Variants in LPIN1 observed in about 807,000 individuals in gnomAD.
LPIN1 encodes the protein lipin 1.
LPIN1 carries 71 observed loss-of-function variants against 107.5 expected under a neutral mutation model. The ratio of observed to expected loss-of-function variants is 0.66; its 90% CI spans 0.55 to 0.80. LPIN1 has a LOEUF of 0.80. LPIN1 is among the 30% of genes least tolerant of loss of function. The pLI is 0.00. For synonymous variants in LPIN1, 445 were observed against 452.6 expected, an observed-to-expected ratio of 0.98 and a Z score of 0.21; for missense variants, 1,043 against 1,160.6, an observed-to-expected ratio of 0.90 and a Z score of 1.47.
chr2:11,711,372 T>C (rs1453780224), intron 1 of LPIN1, among the ~76,000 whole-genome samples: 1 of 152,198 alleles, frequency 6.6e-6, no homozygotes, highest in Non-Finnish European at 1.5e-5. Context: ...AAGCAACGTA[T>C]AGATGAAGAA....
intron 1 of LPIN1, chr2:11,713,748 T>G: frequency 6.7e-7 from 1 of 1,481,502 alleles, no homozygotes. Flanking sequence ...AATGTTTTTG[T>G]TTTTCAGATT....
intron 13 of LPIN1, among the ~76,000 whole-genome samples, chr2:11,793,293 T>A (rs771702458): frequency 1.3e-5 from 2 of 152,212 alleles, no homozygotes; most frequent in Non-Finnish European, 2.9e-5. Flanking sequence ...TCCATGTCTC[T>A]CCAGCTCTGC....
chr2:11,801,994 G>A (rs1677831943), intron 14 of LPIN1, among the ~76,000 whole-genome samples: 1 of 152,142 alleles, frequency 6.6e-6, no homozygotes, highest in Admixed American at 6.5e-5. Flanking sequence ...TTGCCTAGAG[G>A]AAGGTGCTGA....
chr2:11,688,225 C>G (rs1662102785), intron 1 of LPIN1, among the ~76,000 whole-genome samples: 1 of 152,166 alleles, frequency 6.6e-6, no homozygotes, highest in South Asian at 2.1e-4. Context: ...GCTTGGAGCC[C>G]TCCCTTCTCA....
chr2:11,712,838 G>A (rs1359844814), intron 1 of LPIN1, among the ~76,000 whole-genome samples: 1 of 152,202 alleles, frequency 6.6e-6, no homozygotes, highest in African/African-American at 2.4e-5. Flanking sequence ...TGCCCTTTGT[G>A]TAGTTCTAAC....
chr2:11,786,945 G>T lies in LPIN1; in HGVS notation c.1550-129G>T. 1 of 726,752 alleles carries T rather than the reference G, an allele frequency of 1.4e-6. No individual in the cohort carries two copies. Among genetic ancestry groups the T allele is most frequent in the Non-Finnish European group, 2.5e-6 (1 of 397,912 alleles). 45.0% of individuals were successfully genotyped at this position (726,752 alleles called of 1,614,324 possible). Reference sequence around the variant, plus strand: ...CGGCCTTTACAAATACATTTTATAGGATTGTCTGCACAGTTGGAATGCACA... The same window carrying T: ...CGGCCTTTACAAATACATTTTATAGTATTGTCTGCACAGTTGGAATGCACA... On this transcript the variant is annotated intron_variant, in intron 10 of 20. Transcript: ENST00000674199. The surrounding 1 kb of genome is among the most constrained non-coding windows in gnomAD (Gnocchi z 4.1).
At chr2:11,799,631 A>G (rs1677337044) in intron 14 of LPIN1, among the ~76,000 whole-genome samples, 2 of 152,036 alleles carry the variant, frequency 1.3e-5, no homozygotes, top group Middle Eastern at 3.4e-3. Flanking sequence ...GGATCAGGTC[A>G]TTTTACAGAT....
rs896591309 is a variant in LPIN1 at position 11,788,516 on chromosome 2, G to T, written c.1713+60G>T. The T allele has an allele frequency of 1.7e-5, 22 of 1,313,428 alleles. No individual in the cohort carries two copies. In the African/African-American group the frequency reaches 2.6e-4, roughly 16 times the overall value. 81.4% of individuals were successfully genotyped at this position (1,313,428 alleles called of 1,614,324 possible). On this transcript the variant is annotated intron_variant, in intron 12 of 20. Transcript: ENST00000674199. ...AGAAATGATGGGTAGCTTAATCTGG[G>T]GTGGTTGGAATTTCACTTTTATTTT...
At chr2:11,783,764 G>C in intron 8 of LPIN1, 65 bp from the exon 9 acceptor site, 1 of 1,332,732 alleles carries the variant, frequency 7.5e-7, no homozygotes, top group Non-Finnish European at 1.1e-6. Context: ...TGTTTCTATA[G>C]ATACAAGGCC....
intron 1 of LPIN1, among the ~76,000 whole-genome samples, chr2:11,760,366 C>T (rs751213806): frequency 1.3e-5 from 2 of 152,028 alleles, no homozygotes; most frequent in Non-Finnish European, 2.9e-5. Flanking sequence ...GCCGAGATCA[C>T]GTCACTGCAC....
In LPIN1 at chr2:11,791,255, G is replaced by A. The variant is rs182447676; in HGVS notation, c.1714-659G>A. On this transcript the variant is annotated intron_variant, in intron 12 of 20. Coordinates refer to ENST00000674199, the MANE Select transcript of LPIN1 (RefSeq NM_001349206.2). ...CTTGAAAGTTCTGTAAACTGAGGAA[G>A]GGACATTACCTAACTTTTACCTTGG... 2.0e-3 allele frequency among the ~76,000 whole-genome samples: 301 copies of A among 152,250 alleles called. 1 individual carries two copies. Among genetic ancestry groups the A allele is most frequent in the African/African-American group, 7.0e-3 (291 of 41,550 alleles).
At chr2:11,750,331 G>T (rs1011296713) in intron 1 of LPIN1, among the ~76,000 whole-genome samples, 3 of 152,248 alleles carry the variant, frequency 2.0e-5, no homozygotes, top group Admixed American at 1.3e-4. Context: ...TCTGTGCAAT[G>T]CCAGAATGCC....
intron 1 of LPIN1, among the ~76,000 whole-genome samples, chr2:11,747,115 G>T (rs995714356): frequency 6.6e-6 from 1 of 152,254 alleles, no homozygotes; most frequent in Non-Finnish European, 1.5e-5. Flanking sequence ...TTCCCCCGGA[G>T]TTAGGATTCC....
intron 14 of LPIN1, among the ~76,000 whole-genome samples, chr2:11,800,074 C>T (rs888699739): frequency 1.3e-5 from 2 of 152,196 alleles, no homozygotes. Flanking sequence ...TCCCAGTGAT[C>T]TCTAAATCTT....
rs149803064 is a variant in LPIN1 at position 11,714,180 on chromosome 2, C to T, written c.138+368C>T. Reference sequence around the variant, plus strand: ...GTTGCCTTTACTGGACGATCCTTACCGCAAATGCAGTTGCACATGACTAAT... The same window carrying T: ...GTTGCCTTTACTGGACGATCCTTACTGCAAATGCAGTTGCACATGACTAAT... On this transcript the variant is annotated intron_variant, in intron 2 of 21. Transcript: ENST00000449576. Among the ~76,000 whole-genome samples, 551 of 152,290 alleles carry T rather than the reference C, an allele frequency of 3.6e-3. 7 individuals are homozygous for T. Among genetic ancestry groups the T allele is most frequent in the African/African-American group, 0.012 (503 of 41,558 alleles).
intron 1 of LPIN1, among the ~76,000 whole-genome samples, chr2:11,732,232 G>A (rs929166940): frequency 7.2e-5 from 11 of 152,168 alleles, no homozygotes; most frequent in Non-Finnish European, 1.3e-4. Flanking sequence ...GGTGGTGGTC[G>A]TGTGTATCAT....
intron 17 of LPIN1, among the ~76,000 whole-genome samples, chr2:11,812,952 G>A (rs926648200): frequency 6.6e-6 from 1 of 152,194 alleles, no homozygotes; most frequent in East Asian, 1.9e-4. Context: ...TGTGTGGCGT[G>A]GGGGCTGGGG....
At chr2:11,708,926 A>G (rs1663265786) in intron 1 of LPIN1, among the ~76,000 whole-genome samples, 1 of 152,184 alleles carries the variant, frequency 6.6e-6, no homozygotes, top group African/African-American at 2.4e-5. Context: ...TGACAAAGCT[A>G]CTACTATTAT....
At chr2:11,731,128 G>T (rs1202127377) in intron 1 of LPIN1, among the ~76,000 whole-genome samples, 1 of 152,122 alleles carries the variant, frequency 6.6e-6, no homozygotes, top group Non-Finnish European at 1.5e-5. Flanking sequence ...TTTTACATAG[G>T]TATACATGTG....
Sources: allele counts gnomAD v4.1 joint callset (sites outside exome capture counted in the v4.1 genomes callset), GRCh38; gene constraint gnomAD v4.1.1; non-coding constraint Gnocchi (gnomAD v3.1); transcripts MANE v1.5; gene names NCBI Gene and HGNC (gene_info 2026-07-23, HGNC 2026-07-21).